PTK2B: variants seen among roughly 807,000 people sequenced by gnomAD.
The protein encoded by PTK2B is protein-tyrosine kinase 2-beta.
Under a neutral mutation model 142.9 loss-of-function variants are expected in PTK2B, and 71 were observed. That is an observed-to-expected ratio of 0.50 (90% CI 0.41 to 0.61). The LOEUF (loss-of-function observed/expected upper bound fraction) is 0.61, where lower values mean the gene tolerates loss of function less well. Among genes scored for constraint, PTK2B ranks in the 20% least tolerant of loss-of-function variants. The pLI is 0.00. For missense variants in PTK2B, 1,105 were observed against 1,320.4 expected (o/e 0.84, Z 2.53); for synonymous variants, 519 against 503.4 (o/e 1.03, Z -0.42).
chr8:27,320,623 A>T (rs1285331262), upstream of PTK2B, among the ~76,000 whole-genome samples: 1 of 152,214 alleles, frequency 6.6e-6, no homozygotes, highest in Non-Finnish European at 1.5e-5. Context: ...TGTGAAAGAT[A>T]CAGGTGAGCA....
intron 2 of PTK2B, among the ~76,000 whole-genome samples, chr8:27,404,936 T>C (rs1465684083): frequency 3.9e-5 from 6 of 152,022 alleles, no homozygotes; most frequent in Non-Finnish European, 1.5e-5. Context: ...GGTGAGGTCA[T>C]GAGAGTGGGG....
chr8:27,449,468 T>G (rs1351157282), intron 24 of PTK2B, among the ~76,000 whole-genome samples: 1 of 152,226 alleles, frequency 6.6e-6, no homozygotes, highest in Admixed American at 6.5e-5. Context: ...TTAAGAGGCT[T>G]GGTAGGAATT....
At position 27,330,383 on chromosome 8, in the gene PTK2B, A is replaced by G. The variant is rs575546293; in HGVS notation, c.-38+4702A>G. 2.0e-5 allele frequency among the ~76,000 whole-genome samples: 3 copies of G among 152,140 alleles called. No individual in the cohort carries two copies. The South Asian group carries it at 6.2e-4, about 31-fold the overall frequency. ...CAGCTTCCCCTGAGCACTCTCTCAC[A>G]AGCATACATCAGGTATTCAATGATG... On this transcript the variant is annotated intron_variant, in intron 1 of 30. Coordinates refer to ENST00000346049, the MANE Select transcript of PTK2B (RefSeq NM_173176.3).
intron 21 of PTK2B, among the ~76,000 whole-genome samples, chr8:27,441,953 G>C (rs947326539): frequency 2.0e-5 from 3 of 152,092 alleles, no homozygotes; most frequent in Non-Finnish European, 4.4e-5. Flanking sequence ...TCTGCCACAA[G>C]TGGAGGTGGG....
chr8:27,445,662 T>TA (rs1811424487), intron 23 of PTK2B, 132 bp from the exon 24 acceptor site: 1 of 1,327,198 alleles, frequency 7.5e-7, no homozygotes, highest in Admixed American at 1.9e-5. Flanking sequence ...TGTTCTTTAT[T>TA]AACTCCTGGA....
chr8:27,357,352 C>CA (rs1270819490), intron 1 of PTK2B, among the ~76,000 whole-genome samples: 1 of 152,250 alleles, frequency 6.6e-6, no homozygotes, highest in African/African-American at 2.4e-5. Context: ...AGAGCCACTT[C>CA]AGTTGGTGTT....
At chr8:27,448,547 C>G (rs1377965237) in intron 24 of PTK2B, among the ~76,000 whole-genome samples, 1 of 152,178 alleles carries the variant, frequency 6.6e-6, no homozygotes. Context: ...ACGATCAGGC[C>G]TGAGGCATGC....
chr8:27,409,753 C>T (rs902578389), intron 2 of PTK2B, among the ~76,000 whole-genome samples: 3 of 152,198 alleles, frequency 2.0e-5, no homozygotes, highest in Non-Finnish European at 4.4e-5. Flanking sequence ...GACAGTTTTA[C>T]TCTTGTGGCC....
chr8:27,420,137 G>C, intron 3 of PTK2B, 64 bp downstream of exon 3: 3 of 1,585,658 alleles, frequency 1.9e-6, no homozygotes, highest in Non-Finnish European at 2.6e-6. Flanking sequence ...GGAGGCCCTG[G>C]GAGTTTCTCC....
chr8:27,379,710 A>C (rs1246696498), intron 1 of PTK2B, among the ~76,000 whole-genome samples: 1 of 152,178 alleles, frequency 6.6e-6, no homozygotes, highest in Non-Finnish European at 1.5e-5. Flanking sequence ...TTTACGAGTG[A>C]GTCTCTCCAT....
upstream of PTK2B, among the ~76,000 whole-genome samples, chr8:27,310,512 G>C (rs971481261): frequency 1.3e-5 from 2 of 152,276 alleles, no homozygotes; most frequent in Admixed American, 1.3e-4. Context: ...TGGCACAAGG[G>C]GTGCATGGCC....
chr8:27,354,999 CTT>C (rs1420708679), intron 1 of PTK2B, among the ~76,000 whole-genome samples: 2 of 152,164 alleles, frequency 1.3e-5, no homozygotes, highest in African/African-American at 2.4e-5. Context: ...GTAAACGACT[CTT>C]TTTGATTCTG....
At chr8:27,356,204 G>T (rs61107056) in intron 1 of PTK2B, among the ~76,000 whole-genome samples, 18 of 152,216 alleles carry the variant, frequency 1.2e-4, no homozygotes, top group African/African-American at 4.1e-4. Context: ...TGTTATGATC[G>T]CAGGTTGGGG....
intron 10 of PTK2B, 91 bp from the exon 11 acceptor site, chr8:27,433,344 G>T (rs1382638050): frequency 8.8e-7 from 1 of 1,133,318 alleles, no homozygotes; most frequent in Non-Finnish European, 1.3e-6. Flanking sequence ...CAAGGGTTGT[G>T]GCAGGGGTCC....
intron 8 of PTK2B, 163 bp from the exon 9 acceptor site, chr8:27,431,235 A>C: frequency 6.6e-7 from 1 of 1,507,716 alleles, no homozygotes; most frequent in South Asian, 1.3e-5. Flanking sequence ...CAGGACAGGC[A>C]AGGTGTCAGG....
intron 1 of PTK2B, among the ~76,000 whole-genome samples, chr8:27,350,408 A>T (rs186051098): frequency 5.3e-5 from 8 of 152,252 alleles, no homozygotes; most frequent in Admixed American, 5.2e-4. Flanking sequence ...GTCTCCAAAT[A>T]ACAGAGCATC....
intron 1 of PTK2B, among the ~76,000 whole-genome samples, chr8:27,335,956 T>C (rs1432133944): frequency 6.6e-6 from 1 of 152,212 alleles, no homozygotes; most frequent in Non-Finnish European, 1.5e-5. Context: ...ACCAGGCCCT[T>C]GAGTCCCCTC....
intron 1 of PTK2B, among the ~76,000 whole-genome samples, chr8:27,366,870 G>A (rs1008803899): frequency 6.6e-6 from 1 of 152,066 alleles, no homozygotes; most frequent in East Asian, 1.9e-4. Context: ...GAGAGGGTGT[G>A]GGGGAGGGAG....
intron 2 of PTK2B, among the ~76,000 whole-genome samples, chr8:27,405,898 T>G (rs1808684279): frequency 4.6e-5 from 7 of 152,254 alleles, no homozygotes; most frequent in Admixed American, 4.6e-4. Context: ...ATCCCTTACA[T>G]GTGTTGCAAA....
Sources: allele counts gnomAD v4.1 joint callset (sites outside exome capture counted in the v4.1 genomes callset), GRCh38; gene constraint gnomAD v4.1.1; transcripts MANE v1.5; gene names NCBI Gene and HGNC (gene_info 2026-07-23, HGNC 2026-07-21).